The following MSL1 variants were observed in gnomAD, a reference collection of about 807,000 sequenced individuals.
MSL1 encodes the protein male-specific lethal 1 homolog.
MSL1 carries 21 observed loss-of-function variants against 64.6 expected under a neutral mutation model. The observed-to-expected ratio is 0.33, with a 90% confidence interval of 0.23 to 0.47. MSL1 has a LOEUF of 0.47. Ranked by LOEUF, MSL1 falls within the 20% of genes least tolerant of loss-of-function variation. The probability of loss-of-function intolerance (pLI) is 1.00; values close to 1 mark genes in which losing one functional copy is unlikely to be tolerated. For missense variants in MSL1, 664 were observed against 793.2 expected (o/e 0.84, Z 1.96); for synonymous variants, 339 against 329.6 (o/e 1.03, Z -0.31).
At chr17:40,124,847 T>G (rs1988278706) in intron 1 of MSL1, 1 of 152,232 alleles carries the variant, frequency 6.6e-6, no homozygotes, top group East Asian at 1.9e-4. Flanking sequence ...TGGAGGTTTC[T>G]GCTCAGTTCC....
chr17:40,125,982 C>T lies in MSL1; in HGVS notation c.769-201C>T, dbSNP rs146731539. Among the ~76,000 whole-genome samples, 725 of 152,282 alleles carry T rather than the reference C, an allele frequency of 4.8e-3. 6 individuals carry two copies. The highest frequency in any genetic ancestry group is 0.017 in the African/African-American group (703 of 41,544). ...ATGCCTCTTCCCATCTAGGTTAGCC[C>T]TTAAAATTTAACAGTATACCTTCTC... On this transcript the variant is annotated intron_variant, in intron 1 of 8. Transcript: ENST00000398532.
rs1988319424 is a variant in MSL1, at chr17:40,126,526, G to C, written c.992+120G>C. On this transcript the variant is annotated intron_variant, in intron 2 of 8. Transcript: ENST00000398532. ...TTGCTTTAGAAGTCTTCTATGCGGAGGGCCGGGTGTGGTGGCTCACACCTG... is the reference window on the plus strand; with the variant it reads ...TTGCTTTAGAAGTCTTCTATGCGGACGGCCGGGTGTGGTGGCTCACACCTG... 14 of 943,668 alleles carry C rather than the reference G, an allele frequency of 1.5e-5. No homozygotes were observed. The South Asian group carries it at 1.9e-4, about 13-fold the overall frequency. The allele number at this position is 943,668 out of a possible 1,614,324, so 58.5% of individuals were successfully genotyped here. A position where few individuals can be genotyped will look rare whatever the true frequency, so the allele number is the denominator to read the frequency against.
chr17:40,123,282 C>G lies in MSL1; in HGVS notation c.670C>G (p.Gln224Glu). ...GASSQAACLKQILLLQLDLIE... is the reference protein window; with the variant it reads ...GASSQAACLKEILLLQLDLIE... ...CTCCAGTCAGGCCGCCTGCCTCAAA[C>G]AGATCCTTCTGCTGCAATTGGACCT... is the stretch of plus-strand genomic sequence containing the variant. Residue 224 changes from glutamine to glutamate, a missense_variant, in exon 1 of 9, where the codon CAG (glutamine) becomes GAG (glutamate). By Grantham distance (29) the Gln-to-Glu change is conservative. Around this residue, in one of 4 missense-constraint regions of MSL1, gnomAD observed 466 missense variants for 499.0 expected, o/e 0.93. Coordinates refer to ENST00000398532, the MANE Select transcript of MSL1 (RefSeq NM_001365919.1). The G allele has an allele frequency of 6.5e-7, 1 of 1,536,020 alleles. No individual in the cohort carries two copies. The highest frequency in any genetic ancestry group is 8.7e-7 in the Non-Finnish European group (1 of 1,146,892).
chr17:40,129,900 T>A, intron 3 of MSL1: 1 of 382,940 alleles, frequency 2.6e-6, no homozygotes, highest in Admixed American at 4.4e-5. Flanking sequence ...CTTGGGGGTG[T>A]AATCTCCGGC....
intron 2 of MSL1, 147 bp from the exon 3 acceptor site, chr17:40,129,098 C>T: frequency 3.1e-6 from 2 of 652,294 alleles, no homozygotes; most frequent in South Asian, 4.4e-5. Flanking sequence ...CTCATGACTG[C>T]TAAATGAGCA....
At chr17:40,126,602 A>T in intron 2 of MSL1, 196 bp downstream of exon 2, 1 of 571,964 alleles carries the variant, frequency 1.7e-6, no homozygotes, top group South Asian at 2.1e-5. Flanking sequence ...AGGTCAAGAG[A>T]TAGAGACCAT....
chr17:40,122,546 C>A lies in MSL1; in HGVS notation c.-67C>A, dbSNP rs927569675. 1.5e-5 allele frequency: 14 copies of A among 928,390 alleles called. No individual in the cohort carries two copies. The highest frequency in any genetic ancestry group is 1.9e-5 in the Non-Finnish European group (13 of 674,218). The allele number at this position is 928,390 out of a possible 1,614,324, so 57.5% of individuals were successfully genotyped here. On this transcript the variant is annotated 5_prime_UTR_variant, in exon 1 of 9. Transcript: ENST00000398532. The surrounding 1 kb of genome is among the most constrained non-coding windows in gnomAD (Gnocchi z 4.2). Reference sequence around the variant, plus strand: ...TCCCCTCCCCCCCCTCAGTCCTCGACCCCCCGCACCTCGCCCCTTCCCCAC... The same window carrying A: ...TCCCCTCCCCCCCCTCAGTCCTCGAACCCCCGCACCTCGCCCCTTCCCCAC...
intron 2 of MSL1, among the ~76,000 whole-genome samples, chr17:40,128,501 A>G (rs1362230865): frequency 2.7e-5 from 4 of 150,494 alleles, no homozygotes; most frequent in Admixed American, 6.6e-5. Context: ...CAGCCTCTCA[A>G]GTAGCTAGGA....
rs1988429781 is a variant in MSL1, at chr17:40,131,078, G to C, written c.1376-459G>C. 6.4e-6 allele frequency: 1 copy of C among 155,554 alleles called. No individual in the cohort carries two copies. Among genetic ancestry groups the C allele is most frequent in the Non-Finnish European group, 1.4e-5 (1 of 69,754 alleles). 9.6% of individuals were successfully genotyped at this position (155,554 alleles called of 1,614,324 possible). A position where few individuals can be genotyped will look rare whatever the true frequency, so the allele number is the denominator to read the frequency against. The stretch of plus-strand genomic sequence containing the variant: ...CCTATCTCAAGAGGAAGGCTCAATG[G>C]CTTGTTCTAGGGGAGCCAAAGTCTT... On this transcript the variant is annotated intron_variant, in intron 3 of 8. Coordinates refer to ENST00000398532, the MANE Select transcript of MSL1 (RefSeq NM_001365919.1). This position sits in a 1 kb window ranked among gnomAD's most constrained non-coding sequence, Gnocchi z 4.5.
rs1988199322 is a variant in MSL1, at chr17:40,122,470, G to C, written c.-143G>C. 3.8e-6 allele frequency: 2 copies of C among 532,632 alleles called. No individual in the cohort carries two copies. Among genetic ancestry groups the C allele is most frequent in the Non-Finnish European group, 2.9e-6 (1 of 340,840 alleles). 33.0% of individuals were successfully genotyped at this position (532,632 alleles called of 1,614,324 possible). Reference sequence around the variant, plus strand: ...GGGATGGCGCCCGGGCCCCGGAGGAGCCGCGCTAGCGGAGGCCTGCTGCCG... The same window carrying C: ...GGGATGGCGCCCGGGCCCCGGAGGACCCGCGCTAGCGGAGGCCTGCTGCCG... On this transcript the variant is annotated 5_prime_UTR_variant, in exon 1 of 9. Transcript: ENST00000398532. The surrounding 1 kb of genome is among the most constrained non-coding windows in gnomAD (Gnocchi z 4.2).
intron 3 of MSL1, chr17:40,130,258 G>C (rs1988413354): frequency 6.6e-6 from 1 of 152,132 alleles, no homozygotes; most frequent in Admixed American, 6.5e-5. Flanking sequence ...GTAGCCCATT[G>C]GTTGTTCATA....
At chr17:40,127,853 G>A (rs1988355829) in intron 2 of MSL1, among the ~76,000 whole-genome samples, 1 of 152,166 alleles carries the variant, frequency 6.6e-6, no homozygotes, top group Non-Finnish European at 1.5e-5. Context: ...AGCCGGGTGC[G>A]GTGGCTCACG....
rs899486746 is a variant in MSL1 at position 40,123,314 on chromosome 17, A to ACAG, written c.716_718dup (p.Gln239dup). The ACAG allele has an allele frequency of 3.9e-6, 6 of 1,535,928 alleles. No individual in the cohort carries two copies. The highest frequency in any genetic ancestry group is 4.4e-6 in the Non-Finnish European group (5 of 1,146,794). On this transcript the variant is annotated inframe_insertion, in exon 1 of 9. Transcript: ENST00000398532. ...TTCTGCTGCAATTGGACCTCATCGA[A>ACAG]CAGCAGCAGCAGCAGCTGCAGGCCA...
At chr17:40,127,440 A>T (rs1408816672) in intron 2 of MSL1, among the ~76,000 whole-genome samples, 1 of 152,142 alleles carries the variant, frequency 6.6e-6, no homozygotes, top group Non-Finnish European at 1.5e-5. Flanking sequence ...CAGAATTCAA[A>T]TGCAGTAAAA....
chr17:40,122,594 G>C lies in MSL1; in HGVS notation c.-19G>C. On this transcript the variant is annotated 5_prime_UTR_variant, in exon 1 of 9. Transcript: ENST00000398532. The surrounding 1 kb of genome is among the most constrained non-coding windows in gnomAD (Gnocchi z 4.2). The stretch of plus-strand genomic sequence containing the variant: ...CACCCCCTCCTCCGCCTCGGTGCCC[G>C]GCGCTGCTCCGGACCACTATGACCA... The C allele has an allele frequency of 1.5e-6, 2 of 1,367,212 alleles. No homozygotes were observed. Among genetic ancestry groups the C allele is most frequent in the South Asian group, 3.1e-5 (2 of 63,988 alleles). The allele number at this position is 1,367,212 out of a possible 1,614,324, so 84.7% of individuals were successfully genotyped here.
intron 1 of MSL1, among the ~76,000 whole-genome samples, chr17:40,125,274 A>G (rs1438670830): frequency 2.0e-5 from 3 of 152,024 alleles, no homozygotes; most frequent in Non-Finnish European, 4.4e-5. Context: ...TCAAATTCAA[A>G]GGAATGTGTT....
At chr17:40,127,878 A>T (rs1375420229) in intron 2 of MSL1, among the ~76,000 whole-genome samples, 1 of 152,202 alleles carries the variant, frequency 6.6e-6, no homozygotes, top group Non-Finnish European at 1.5e-5. Flanking sequence ...TAATCCCAGC[A>T]CTTTGGGAGG....
intron 6 of MSL1, 106 bp from the exon 7 acceptor site, chr17:40,133,428 C>T: frequency 7.1e-7 from 1 of 1,403,374 alleles, no homozygotes; most frequent in South Asian, 1.4e-5. Context: ...GAGGAGTCAG[C>T]AAGGGTCTTC....
In MSL1 at chr17:40,136,692, A is replaced by G. The variant is rs1171944176; in HGVS notation, c.*2323A>G. The stretch of plus-strand genomic sequence containing the variant: ...ATTTCATATTGTTGTCTGTGTTGTA[A>G]TTCATAACTTTTGATACCATTTCTG... On this transcript the variant is annotated 3_prime_UTR_variant, in exon 9 of 9. Transcript: ENST00000398532. The G allele has an allele frequency of 6.6e-6, 1 of 152,314 alleles. No individual in the cohort carries two copies. Among genetic ancestry groups the G allele is most frequent in the East Asian group, 1.9e-4 (1 of 5,344 alleles). 9.4% of individuals were successfully genotyped at this position (152,314 alleles called of 1,614,324 possible). A position where few individuals can be genotyped will look rare whatever the true frequency, so the allele number is the denominator to read the frequency against.
Sources: allele counts gnomAD v4.1 joint callset (sites outside exome capture counted in the v4.1 genomes callset), GRCh38; gene constraint gnomAD v4.1.1; regional missense constraint gnomAD v4.1.1; non-coding constraint Gnocchi (gnomAD v3.1); transcripts MANE v1.5; gene names NCBI Gene and HGNC (gene_info 2026-07-23, HGNC 2026-07-21).